Variants in GRIP1 observed in about 807,000 individuals in gnomAD.
The protein encoded by GRIP1 is glutamate receptor-interacting protein 1.
A neutral mutation model predicts 129.9 loss-of-function variants in GRIP1; 45 were observed. The observed-to-expected ratio is 0.35, with a 90% CI of 0.27 to 0.44. GRIP1 has a LOEUF of 0.44. Among genes scored for constraint, GRIP1 ranks in the 20% least tolerant of loss-of-function variants. GRIP1 has a pLI of 1.00. For missense variants in GRIP1, 1,196 were observed against 1,396.8 expected (o/e 0.86, Z 2.29); for synonymous variants, 530 against 520.8 (o/e 1.02, Z -0.24).
At chr12:67,066,179 A>G (rs991799348) in intron 1 of GRIP1, among the ~76,000 whole-genome samples, 1 of 152,190 alleles carries the variant, frequency 6.6e-6, no homozygotes, top group Non-Finnish European at 1.5e-5. Context: ...CAGGCCTTCG[A>G]GATGAACCCG....
At chr12:67,022,439 C>A (rs953913368) in intron 1 of GRIP1, among the ~76,000 whole-genome samples, 11 of 151,960 alleles carry the variant, frequency 7.2e-5, no homozygotes, top group African/African-American at 1.7e-4. Context: ...TTTTATTTTC[C>A]TTTTATATAC....
chr12:66,911,941 G>A (rs759098420), intron 1 of GRIP1, among the ~76,000 whole-genome samples: 6 of 152,006 alleles, frequency 3.9e-5, no homozygotes, highest in Non-Finnish European at 7.4e-5. Flanking sequence ...TCTGGTTTTC[G>A]CTGAATAAAC....
chr12:66,643,636 C>G (rs1176238022), intron 1 of GRIP1, among the ~76,000 whole-genome samples: 2 of 152,144 alleles, frequency 1.3e-5, no homozygotes, highest in Non-Finnish European at 2.9e-5. Context: ...AGGCTCTTAG[C>G]TTACTGCAGC....
intron 23 of GRIP1, among the ~76,000 whole-genome samples, chr12:66,361,227 G>A (rs1036666078): frequency 5.3e-5 from 8 of 152,150 alleles, no homozygotes; most frequent in Non-Finnish European, 1.0e-4. Flanking sequence ...CTTCCTGTCT[G>A]GGGAGTCTTC....
intron 7 of GRIP1, among the ~76,000 whole-genome samples, chr12:66,468,200 A>T (rs930394256): frequency 6.6e-6 from 1 of 152,162 alleles, no homozygotes; most frequent in African/African-American, 2.4e-5. Flanking sequence ...ATGTGCTCTT[A>T]AAAAGAATGG....
rs778246999 is a variant in GRIP1, at chr12:66,463,060, G to A, written c.906C>T (p.Leu302=). The change falls in exon 9 of 25, where the codon CTC becomes CTT. Residue 302 remains leucine, a synonymous_variant. Transcript: ENST00000359742. ...CGALHVGDHI[L]SIDGTSMEYC... The stretch of plus-strand genomic sequence containing the variant: ...ACTCCATGCTGGTTCCATCGATGGA[G>A]AGGATGTGATCTCCCACATGCAATG... 1.2e-6 allele frequency: 2 copies of A among 1,614,098 alleles called. No homozygotes were observed. The highest frequency in any genetic ancestry group is 1.7e-6 in the Non-Finnish European group (2 of 1,179,968).
intron 2 of GRIP1, among the ~76,000 whole-genome samples, chr12:66,542,451 C>A (rs2061814734): frequency 6.6e-6 from 1 of 152,190 alleles, no homozygotes; most frequent in Non-Finnish European, 1.5e-5. Flanking sequence ...ATTGACTTTA[C>A]TTTCTTTGTC....
At chr12:66,477,629 T>C (rs950448063) in intron 7 of GRIP1, among the ~76,000 whole-genome samples, 7 of 152,160 alleles carry the variant, frequency 4.6e-5, no homozygotes, top group African/African-American at 1.4e-4. Flanking sequence ...CTTCAAACTA[T>C]ACTACAAGGT....
At chr12:66,474,720 G>A (rs1465570310) in intron 7 of GRIP1, among the ~76,000 whole-genome samples, 1 of 152,116 alleles carries the variant, frequency 6.6e-6, no homozygotes, top group Non-Finnish European at 1.5e-5. Flanking sequence ...TTCATATCCA[G>A]TCAAACTAAG....
chr12:66,758,842 G>C (rs1306795755), intron 1 of GRIP1, among the ~76,000 whole-genome samples: 1 of 152,196 alleles, frequency 6.6e-6, no homozygotes, highest in Non-Finnish European at 1.5e-5. Context: ...GCTAATGCAA[G>C]AGGCAGGTTC....
At chr12:66,397,249 C>T (rs568526740) in intron 16 of GRIP1, among the ~76,000 whole-genome samples, 9 of 151,510 alleles carry the variant, frequency 5.9e-5, no homozygotes, top group East Asian at 3.9e-4. Context: ...CAGTGGCTCA[C>T]GGCTGTAATC....
chr12:66,981,063 A>G (rs1566104890), intron 1 of GRIP1, among the ~76,000 whole-genome samples: 1 of 152,194 alleles, frequency 6.6e-6, no homozygotes, highest in Non-Finnish European at 1.5e-5. Context: ...TTCCAATTGA[A>G]TTATAGTAAT....
intron 7 of GRIP1, among the ~76,000 whole-genome samples, chr12:66,504,678 C>A (rs557872058): frequency 6.6e-5 from 10 of 152,250 alleles, no homozygotes; most frequent in African/African-American, 2.4e-4. Context: ...AATAGAAAAT[C>A]ATTGACTCCC....
chr12:66,696,196 A>G (rs2035150476), intron 1 of GRIP1, among the ~76,000 whole-genome samples: 1 of 152,244 alleles, frequency 6.6e-6, no homozygotes, highest in African/African-American at 2.4e-5. Context: ...GGGTACTTTC[A>G]CATCTCAAGA....
chr12:66,442,302 A>C (rs1046057794), intron 13 of GRIP1, among the ~76,000 whole-genome samples: 1 of 152,162 alleles, frequency 6.6e-6, no homozygotes, highest in African/African-American at 2.4e-5. Flanking sequence ...TTTCTCCAGC[A>C]AGCTAATTGT....
intron 1 of GRIP1, among the ~76,000 whole-genome samples, chr12:67,054,540 G>A (rs888871147): frequency 6.6e-6 from 1 of 152,188 alleles, no homozygotes; most frequent in African/African-American, 2.4e-5. Flanking sequence ...GAAGTGGGCA[G>A]ATCATCTCAG....
chr12:66,605,068 T>TATATAC (rs2064456625), intron 1 of GRIP1, among the ~76,000 whole-genome samples: 1 of 147,234 alleles, frequency 6.8e-6, no homozygotes, highest in Non-Finnish European at 1.5e-5. Context: ...TATATATACA[T>TATATAC]ATATATATAT....
At chr12:66,567,337 T>C (rs1592565557) in intron 2 of GRIP1, among the ~76,000 whole-genome samples, 1 of 152,240 alleles carries the variant, frequency 6.6e-6, no homozygotes, top group African/African-American at 2.4e-5. Flanking sequence ...TTTGTTCTCA[T>C]TGGTTTCAAA....
chr12:66,605,792 T>C (rs970840601), intron 1 of GRIP1, among the ~76,000 whole-genome samples: 5 of 152,186 alleles, frequency 3.3e-5, no homozygotes, highest in South Asian at 2.1e-4. Flanking sequence ...ATTGATCAGA[T>C]AGTCACCACT....
Sources: allele counts gnomAD v4.1 joint callset (sites outside exome capture counted in the v4.1 genomes callset), GRCh38; gene constraint gnomAD v4.1.1; transcripts MANE v1.5; gene names NCBI Gene and HGNC (gene_info 2026-07-23, HGNC 2026-07-21).